The following YTHDC1 variants were observed in gnomAD, a reference collection of about 807,000 sequenced individuals.
The protein encoded by YTHDC1 is YTH N6-methyladenosine RNA binding protein C1.
In YTHDC1, 12 loss-of-function variants were observed where a neutral mutation model predicts 107.0. The observed-to-expected ratio is 0.11, with a 90% CI of 0.07 to 0.18. The LOEUF (loss-of-function observed/expected upper bound fraction) is 0.18, where lower values mean the gene tolerates loss of function less well. Among genes scored for constraint, YTHDC1 ranks in the 10% least tolerant of loss-of-function variants. The pLI, the probability that YTHDC1 is intolerant of heterozygous loss-of-function variation, is 1.00. For synonymous variants in YTHDC1, 280 were observed against 289.5 expected (o/e 0.97, Z 0.33); for missense variants, 635 against 898.8 (o/e 0.71, Z 3.75).
intron 9 of YTHDC1, among the ~76,000 whole-genome samples, chr4:68,328,000 TTAG>T (rs1723182807): frequency 6.6e-6 from 1 of 152,188 alleles, no homozygotes; most frequent in African/African-American, 2.4e-5. Context: ...ACACCTCACG[TTAG>T]TAGGATAGAC....
intron 10 of YTHDC1, among the ~76,000 whole-genome samples, chr4:68,323,557 T>C (rs931708395): frequency 4.6e-5 from 7 of 152,102 alleles, no homozygotes; most frequent in Admixed American, 1.3e-4. Flanking sequence ...TGAAACCCTG[T>C]CTCGACCGAA....
chr4:68,320,181 A>C lies in YTHDC1; in HGVS notation c.1626T>G (p.Ile542Met). The C allele has an allele frequency of 6.2e-7, 1 of 1,609,540 alleles. No homozygotes were observed. Among genetic ancestry groups the C allele is most frequent in the African/African-American group, 1.3e-5 (1 of 74,720 alleles). The change falls in exon 12 of 17, where the codon ATT becomes ATG. Residue 542 changes from isoleucine to methionine, a missense_variant. Ile to Met is a conservative substitution (Grantham distance 10). Transcript: ENST00000344157. The stretch of plus-strand genomic sequence containing the variant: ...TCCTTGGTTTCTTTCTGCTGTTATG[A>C]ATATCATAATCTTCTGGTCGACGCC... The part of the protein sequence containing the change: ...VGRRRPEDYD[I>M]HNSRKKPRID...
At chr4:68,325,158 A>G (rs1722850595) in intron 9 of YTHDC1, among the ~76,000 whole-genome samples, 1 of 152,262 alleles carries the variant, frequency 6.6e-6, no homozygotes, top group Non-Finnish European at 1.5e-5. Context: ...GTACATACAA[A>G]GACGAGAAAG....
At chr4:68,315,254 C>CTAGTACTCTCA (rs1391030540) in intron 16 of YTHDC1, among the ~76,000 whole-genome samples, 2 of 152,020 alleles carry the variant, frequency 1.3e-5, no homozygotes, top group Non-Finnish European at 2.9e-5. Context: ...AATTAGTTAA[C>CTAGTACTCTCA]TAGTACTCTC....
At position 68,337,242 on chromosome 4, in the gene YTHDC1, T is replaced by C. The variant is rs374713572; in HGVS notation, c.668A>G (p.Glu223Gly). 7 of 1,606,306 alleles carry C rather than the reference T, an allele frequency of 4.4e-6. No homozygotes were observed. Among genetic ancestry groups the C allele is most frequent in the Non-Finnish European group, 5.1e-6 (6 of 1,174,188 alleles). Residue 223 changes from glutamate to glycine, a missense_variant, in exon 4 of 17, where the codon GAA (glutamate) becomes GGA (glycine). By Grantham distance (98) the Glu-to-Gly change is moderately conservative. Around this residue, in one of 5 missense-constraint regions of YTHDC1, gnomAD observed 294 missense variants for 312.3 expected, o/e 0.94. Transcript: ENST00000344157. ...EEVEEDAEED[E>G]EVDEDGEEEE... is the part of the protein sequence containing the mutation. ...CTCCTCTCCATCTTCATCCACCTCT[T>C]CATCTTCTTCTGCATCTTCTTCTAC...
intron 12 of YTHDC1, among the ~76,000 whole-genome samples, 200 bp downstream of exon 12, chr4:68,319,923 T>C (rs1280442379): frequency 6.6e-6 from 1 of 152,102 alleles, no homozygotes; most frequent in Non-Finnish European, 1.5e-5. Context: ...TGAGTTACAC[T>C]GGAATAGACT....
chr4:68,335,595 A>C (rs927354370), intron 4 of YTHDC1, among the ~76,000 whole-genome samples: 1 of 152,162 alleles, frequency 6.6e-6, no homozygotes, highest in African/African-American at 2.4e-5. Flanking sequence ...TAAACAATAC[A>C]AACATTAAAG....
In YTHDC1 at chr4:68,316,530, A is replaced by G; in HGVS notation, c.1825-82T>C. On this transcript the variant is annotated intron_variant, in intron 15 of 16. Transcript: ENST00000344157. ...ATTCTTAGAACCCTTCATCCAAAAC[A>G]CCAATCCCAAACAAGTGAATCTGTA... The G allele has an allele frequency of 3.4e-6, 5 of 1,486,698 alleles. No homozygotes were observed. In the South Asian group the frequency reaches 5.4e-5, roughly 16 times the overall value. 92.1% of individuals were successfully genotyped at this position (1,486,698 alleles called of 1,614,324 possible).
At chr4:68,336,072 T>TA (rs1724126694) in intron 4 of YTHDC1, among the ~76,000 whole-genome samples, 1 of 148,872 alleles carries the variant, frequency 6.7e-6, no homozygotes. Flanking sequence ...GATGGCCAGT[T>TA]ATCTTCTAGT....
At chr4:68,348,520 T>C (rs1445848354) in intron 1 of YTHDC1, among the ~76,000 whole-genome samples, 1 of 150,750 alleles carries the variant, frequency 6.6e-6, no homozygotes, top group Non-Finnish European at 1.5e-5. Flanking sequence ...TAGCATTTAG[T>C]TTAAGGATGG....
intron 16 of YTHDC1, among the ~76,000 whole-genome samples, chr4:68,314,927 C>G (rs1022866404): frequency 6.6e-6 from 1 of 152,160 alleles, no homozygotes; most frequent in Non-Finnish European, 1.5e-5. Context: ...TTGGTCTTCT[C>G]TCAAAACTTA....
chr4:68,336,311 T>C (rs559605919), intron 4 of YTHDC1, among the ~76,000 whole-genome samples: 1 of 152,186 alleles, frequency 6.6e-6, no homozygotes, highest in African/African-American at 2.4e-5. Context: ...TGACCTCTCC[T>C]TGCTGTACCC....
chr4:68,346,594 T>A (rs1283478968), intron 1 of YTHDC1, among the ~76,000 whole-genome samples: 1 of 152,170 alleles, frequency 6.6e-6, no homozygotes, highest in African/African-American at 2.4e-5. Context: ...GGAAAATGAA[T>A]CATCCCTTTG....
chr4:68,339,304 T>C (rs1321429721), intron 1 of YTHDC1, among the ~76,000 whole-genome samples: 1 of 152,016 alleles, frequency 6.6e-6, no homozygotes, highest in Non-Finnish European at 1.5e-5. Flanking sequence ...AAACCCAAAT[T>C]AAAGGGCATC....
chr4:68,344,329 G>A (rs1560505377), intron 1 of YTHDC1, among the ~76,000 whole-genome samples: 1 of 151,992 alleles, frequency 6.6e-6, no homozygotes, highest in Non-Finnish European at 1.5e-5. Context: ...TCTTAAACTT[G>A]AAAAAACCCA....
rs1341430809 is a variant in YTHDC1 at position 68,310,970 on chromosome 4, A to T, written c.*3129T>A. On this transcript the variant is annotated 3_prime_UTR_variant, in exon 17 of 17. Transcript: ENST00000344157. Reference sequence around the variant, plus strand: ...CTGAAAAGTCAAACATTCAGGTGTTATAACTTGTATGAGATCCTGATTTAA... The same window carrying T: ...CTGAAAAGTCAAACATTCAGGTGTTTTAACTTGTATGAGATCCTGATTTAA... 6.6e-6 allele frequency: 1 copy of T among 152,184 alleles called. No homozygotes were observed. Among genetic ancestry groups the T allele is most frequent in the Non-Finnish European group, 1.5e-5 (1 of 68,026 alleles). 9.4% of individuals were successfully genotyped at this position (152,184 alleles called of 1,614,324 possible).
At chr4:68,331,938 A>G (rs535791828) in intron 7 of YTHDC1, among the ~76,000 whole-genome samples, 165 bp downstream of exon 7, 1 of 152,120 alleles carries the variant, frequency 6.6e-6, no homozygotes, top group Non-Finnish European at 1.5e-5. Flanking sequence ...TCAAATTACA[A>G]GTAGGCTGAC....
rs1723521464 is a variant in YTHDC1, at chr4:68,331,033, G to T, written c.1123-723C>A. 3.9e-5 allele frequency among the ~76,000 whole-genome samples: 6 copies of T among 152,176 alleles called. No homozygotes were observed. In the South Asian group the frequency reaches 1.2e-3, roughly 32 times the overall value. Reference sequence around the variant, plus strand: ...GGGGACTGGTTCCAGGACCCATGCAGATACCAAAATCTGAGGATGCTCAAG... The same window carrying T: ...GGGGACTGGTTCCAGGACCCATGCATATACCAAAATCTGAGGATGCTCAAG... On this transcript the variant is annotated intron_variant, in intron 7 of 16. Coordinates refer to ENST00000344157, the MANE Select transcript of YTHDC1 (RefSeq NM_001031732.4).
At chr4:68,315,524 A>G (rs1407843286) in intron 16 of YTHDC1, among the ~76,000 whole-genome samples, 4 of 152,126 alleles carry the variant, frequency 2.6e-5, no homozygotes, top group Admixed American at 6.5e-5. Context: ...TTTAACAACA[A>G]AACTACCTTT....
Sources: gnomAD v4.1 joint callset for allele counts (sites outside exome capture counted in the v4.1 genomes callset) on GRCh38, gnomAD v4.1.1 for gene constraint, gnomAD v4.1.1 regional missense constraint, MANE v1.5 for transcripts, NCBI Gene and HGNC (gene_info 2026-07-23, HGNC 2026-07-21) for gene names.